ATAD5: variants seen among roughly 807,000 people sequenced by gnomAD.
ATAD5 encodes the protein ATPase family AAA domain-containing protein 5.
Under a neutral mutation model 176.9 loss-of-function variants are expected in ATAD5, and 58 were observed. The ratio of observed to expected loss-of-function variants is 0.33; its 90% CI spans 0.27 to 0.41. The LOEUF is 0.41. ATAD5 is among the 10% of genes least tolerant of loss of function. The pLI is 1.00. For missense variants in ATAD5, 1,789 were observed against 2,094.1 expected, an observed-to-expected ratio of 0.85 and a Z score of 2.84; for synonymous variants, 640 against 712.6, an observed-to-expected ratio of 0.90 and a Z score of 1.62.
At chr17:30,869,791 A>G (rs1393460327) in intron 14 of ATAD5, 145 bp downstream of exon 14, 15 of 810,888 alleles carry the variant, frequency 1.8e-5, no homozygotes, top group Non-Finnish European at 2.6e-5. Flanking sequence ...TTATTTTAAA[A>G]CAAATCTGAA....
chr17:30,834,728 T>C lies in ATAD5; in HGVS notation c.647T>C (p.Leu216Pro). Reference sequence around the variant, plus strand: ...AGGAAATGCAGAGATGTAGTAGATCTATCTGAAAGCTTACCCTTGGCAGAG... The same window carrying C: ...AGGAAATGCAGAGATGTAGTAGATCCATCTGAAAGCTTACCCTTGGCAGAG... ...RKRKCRDVVDLSESLPLAEEL... is the reference protein window; with the variant it reads ...RKRKCRDVVDPSESLPLAEEL... The change falls in exon 2 of 23, where the codon CTA becomes CCA. Residue 216 changes from leucine to proline, a missense_variant. Transcript: ENST00000321990. The C allele has an allele frequency of 6.2e-7, 1 of 1,613,586 alleles. No individual in the cohort carries two copies. The highest frequency in any genetic ancestry group is 8.5e-7 in the Non-Finnish European group (1 of 1,179,756).
intron 18 of ATAD5, among the ~76,000 whole-genome samples, chr17:30,884,035 G>A (rs552587296): frequency 3.3e-5 from 5 of 152,158 alleles, no homozygotes; most frequent in Admixed American, 2.6e-4. Context: ...GAAATTCTAC[G>A]CTTGTTAAAT....
chr17:30,865,828 A>G, intron 11 of ATAD5, 28 bp downstream of exon 11: 1 of 1,372,216 alleles, frequency 7.3e-7, no homozygotes. Flanking sequence ...GGAATTGAGA[A>G]ATAGTTTACA....
intron 6 of ATAD5, among the ~76,000 whole-genome samples, chr17:30,850,223 C>T (rs1221989853): frequency 2.6e-5 from 4 of 151,914 alleles, no homozygotes; most frequent in African/African-American, 9.7e-5. Flanking sequence ...CCATATAGTA[C>T]TGTAGAACAC....
chr17:30,838,372 T>G (rs1019395162), intron 3 of ATAD5, among the ~76,000 whole-genome samples: 3 of 152,212 alleles, frequency 2.0e-5, no homozygotes, highest in Admixed American at 6.5e-5. Context: ...CAGCTGTCAT[T>G]TTTTGGCATC....
intron 6 of ATAD5, among the ~76,000 whole-genome samples, chr17:30,854,184 T>C (rs1201138096): frequency 7.0e-6 from 1 of 143,332 alleles, no homozygotes. Flanking sequence ...CAATATCTTA[T>C]ATAAAATCTA....
chr17:30,837,949 CAG>C (rs570484414), intron 3 of ATAD5, among the ~76,000 whole-genome samples: 128 of 152,272 alleles, frequency 8.4e-4, no homozygotes, highest in African/African-American at 3.0e-3. Context: ...GACTGAAAAG[CAG>C]AGTTTCTCAA....
chr17:30,844,510 C>A (rs58056012), intron 5 of ATAD5, among the ~76,000 whole-genome samples: 1 of 148,456 alleles, frequency 6.7e-6, no homozygotes. Context: ...TATTATATTT[C>A]TATTTTAGTA....
At position 30,835,850 on chromosome 17, in the gene ATAD5, C is replaced by A; in HGVS notation, c.1769C>A (p.Thr590Lys). 5.0e-6 allele frequency: 8 copies of A among 1,613,874 alleles called. No individual in the cohort carries two copies. Among genetic ancestry groups the A allele is most frequent in the Non-Finnish European group, 6.8e-6 (8 of 1,179,958 alleles). ...GAAGCCAGCTTGCTAAATGTTTCCA[C>A]GCCCAAGTCAACTAGAAGATCTGGA... ...ESEASLLNVS[T>K]PKSTRRSGRI... The change falls in exon 2 of 23, where the codon ACG becomes AAG. Residue 590 changes from threonine (T) to lysine (K), a missense_variant. By Grantham distance (78) the Thr-to-Lys change is moderately conservative. Transcript: ENST00000321990.
chr17:30,888,245 G>A (rs1184397881), intron 19 of ATAD5, among the ~76,000 whole-genome samples: 1 of 152,054 alleles, frequency 6.6e-6, no homozygotes, highest in Admixed American at 6.6e-5. Flanking sequence ...ATATGCACAT[G>A]TCAACTTTGT....
chr17:30,853,592 A>G (rs1305754678), intron 6 of ATAD5, among the ~76,000 whole-genome samples: 1 of 152,180 alleles, frequency 6.6e-6, no homozygotes, highest in Admixed American at 6.6e-5. Context: ...ATACAGAAAA[A>G]GTTTTTGTAG....
intron 6 of ATAD5, among the ~76,000 whole-genome samples, chr17:30,851,928 A>G (rs1323084324): frequency 6.6e-6 from 1 of 152,194 alleles, no homozygotes; most frequent in African/African-American, 2.4e-5. Context: ...TATTTTGCCC[A>G]GGCTGGTCTT....
At position 30,869,342 on chromosome 17, in the gene ATAD5, G is replaced by A; in HGVS notation, c.3408G>A (p.Val1136=). The A allele has an allele frequency of 6.2e-7, 1 of 1,614,070 alleles. No homozygotes were observed. The highest frequency in any genetic ancestry group is 1.1e-5 in the South Asian group (1 of 91,064). Residue 1136 remains valine (V), a synonymous_variant, in exon 13 of 23, where the codon GTG becomes GTA. Coordinates refer to ENST00000321990, the MANE Select transcript of ATAD5 (RefSeq NM_024857.5). ...TCCTTATAACAGGGCCAACAGGAGT[G>A]GGAAAAACTGCTGCAGTGTATGCTT... ...NTVLITGPTG[V]GKTAAVYACA...
At chr17:30,867,269 G>A (rs11657391) in intron 11 of ATAD5, among the ~76,000 whole-genome samples, 16,003 of 151,972 alleles carry the variant, frequency 0.11, 957 homozygotes, top group South Asian at 0.24. Flanking sequence ...GAATGATGGC[G>A]CCCACTTGGA....
At position 30,876,507 on chromosome 17, in the gene ATAD5, TA is replaced by T; in HGVS notation, c.3746del (p.Asn1249IlefsTer5). On this transcript the variant is annotated frameshift_variant, in exon 15 of 23. Coordinates refer to ENST00000321990, the MANE Select transcript of ATAD5 (RefSeq NM_024857.5). LOFTEE classifies it high-confidence loss of function. Reference sequence around the variant, plus strand: ...ATTATTTTAAAGTATCTCCCAAACCTAAAAATAATGAAGAAATAGGAATGCT... The same window carrying T: ...ATTATTTTAAAGTATCTCCCAAACCTAAAATAATGAAGAAATAGGAATGCT... ...ANYFKVSPKP[K>X]NNEEIGMLLE... 1 of 1,589,336 alleles carries T rather than the reference TA, an allele frequency of 6.3e-7. No individual in the cohort carries two copies. Among genetic ancestry groups the T allele is most frequent in the Non-Finnish European group, 8.6e-7 (1 of 1,163,208 alleles).
chr17:30,867,459 T>TAG, intron 11 of ATAD5, among the ~76,000 whole-genome samples: 1 of 152,146 alleles, frequency 6.6e-6, no homozygotes, highest in East Asian at 1.9e-4. Flanking sequence ...AACCAAGGCC[T>TAG]AGAGAGGCTG....
intron 3 of ATAD5, 129 bp downstream of exon 3, chr17:30,837,443 T>C: frequency 1.6e-6 from 1 of 626,754 alleles, no homozygotes; most frequent in East Asian, 3.1e-5. Flanking sequence ...ATTGGTTAAC[T>C]ACAACCCTAT....
chr17:30,893,691 C>T lies in ATAD5; in HGVS notation c.4838C>T (p.Ala1613Val). The change falls in exon 21 of 23, where the codon GCC becomes GTC. Residue 1613 changes from alanine to valine, a missense_variant. By Grantham distance (64) the Ala-to-Val change is moderately conservative. Coordinates refer to ENST00000321990, the MANE Select transcript of ATAD5 (RefSeq NM_024857.5). ...AAAACCGGAGACGAAGAAAGCAAAGCCAGAGACAAAGGAAACAATCCAGAG... is the reference window on the plus strand; with the variant it reads ...AAAACCGGAGACGAAGAAAGCAAAGTCAGAGACAAAGGAAACAATCCAGAG... ...ESKTGDEESK[A>V]RDKGNNPETK... is the part of the protein sequence containing the mutation. The T allele has an allele frequency of 6.2e-7, 1 of 1,613,342 alleles. No homozygotes were observed. The highest frequency in any genetic ancestry group is 8.5e-7 in the Non-Finnish European group (1 of 1,179,696).
chr17:30,859,413 G>A lies in ATAD5; in HGVS notation c.2957-1020G>A, dbSNP rs144994981. On this transcript the variant is annotated intron_variant, in intron 9 of 22. Transcript: ENST00000321990. ...CTTGCTCTGACACCCAGGCTGAAGT[G>A]CAGTGGCGCGATCTCAGCTCAGTGC... Among the ~76,000 whole-genome samples the A allele has an allele frequency of 4.3e-3, 656 of 152,172 alleles. 1 individual carries two copies. Among genetic ancestry groups the A allele is most frequent in the Middle Eastern group, 0.017 (5 of 292 alleles).
Sources: gnomAD v4.1 joint callset for allele counts (sites outside exome capture counted in the v4.1 genomes callset) on GRCh38, gnomAD v4.1.1 for gene constraint, MANE v1.5 for transcripts, NCBI Gene and HGNC (gene_info 2026-07-23, HGNC 2026-07-21) for gene names.